The following RAD21 variants were observed in gnomAD, a reference collection of about 807,000 sequenced individuals.
RAD21 encodes the protein double-strand-break repair protein rad21 homolog.
In RAD21, 18 loss-of-function variants were observed where a neutral mutation model predicts 71.5. The ratio of observed to expected loss-of-function variants is 0.25; its 90% CI spans 0.17 to 0.37. The LOEUF (loss-of-function observed/expected upper bound fraction) is 0.37. Among genes scored for constraint, RAD21 ranks in the 10% least tolerant of loss-of-function variants. The pLI, the probability that RAD21 is intolerant of heterozygous loss-of-function variation, is 1.00. For missense variants in RAD21, 493 were observed against 769.1 expected, an observed-to-expected ratio of 0.64 and a Z score of 4.25; for synonymous variants, 248 against 254.0, an observed-to-expected ratio of 0.98 and a Z score of 0.22.
At chr8:116,860,282 T>C (rs1175724659) in intron 4 of RAD21, among the ~76,000 whole-genome samples, 1 of 152,186 alleles carries the variant, frequency 6.6e-6, no homozygotes, top group African/African-American at 2.4e-5. Flanking sequence ...ACAAAGGGTT[T>C]AGAATATTCC....
intron 2 of RAD21, among the ~76,000 whole-genome samples, chr8:116,864,031 A>G (rs545583066): frequency 6.6e-6 from 1 of 152,168 alleles, no homozygotes; most frequent in Non-Finnish European, 1.5e-5. Context: ...ACTAATTGAT[A>G]AAGAACAATA....
At chr8:116,855,432 A>G (rs2130464714) in intron 8 of RAD21, among the ~76,000 whole-genome samples, 1 of 152,324 alleles carries the variant, frequency 6.6e-6, no homozygotes, top group African/African-American at 2.4e-5. Context: ...GTGTCTTGCA[A>G]TGTTACTTAA....
intron 4 of RAD21, among the ~76,000 whole-genome samples, chr8:116,859,912 C>A (rs1243077240): frequency 6.6e-6 from 1 of 152,054 alleles, no homozygotes; most frequent in Non-Finnish European, 1.5e-5. Context: ...AGGAAAAGTT[C>A]TTGAAGGAAA....
chr8:116,857,349 C>G lies in RAD21; in HGVS notation c.606G>C (p.Leu202=). 6.2e-7 allele frequency: 1 copy of G among 1,612,548 alleles called. No individual in the cohort carries two copies. The change falls in exon 6 of 14, where the codon CTG becomes CTC. Residue 202 remains leucine (L), a synonymous_variant. Transcript: ENST00000297338. ...ATTCTAAATGGTTAATTTTCTCATT[C>G]AGATTGCTGGTGCTCTGTTCAGACT... ...LLESEQSTSN[L]NEKINHLEYE...
intron 1 of RAD21, 123 bp from the exon 2 acceptor site, chr8:116,866,884 T>C (rs1222547266): frequency 1.5e-5 from 8 of 541,922 alleles, no homozygotes; most frequent in Non-Finnish European, 2.0e-5. Flanking sequence ...CTTGAGTAAA[T>C]GTTTAATATG....
Position 116,856,258 on chromosome 8 carries a change from T to C in RAD21, c.845A>G (p.Asp282Gly). 2 of 1,544,954 alleles carry C rather than the reference T, an allele frequency of 1.3e-6. No individual in the cohort carries two copies. The highest frequency in any genetic ancestry group is 1.2e-5 in the South Asian group (1 of 85,176). The stretch of plus-strand genomic sequence containing the variant: ...CATGGTTGGCATTGGTTCAACGGGA[T>C]CCACTGAATCAGGACTATCAGGCCC... ...MGGPDSPDSV[D>G]PVEPMPTMTD... is the part of the protein sequence containing the mutation. The change falls in exon 8 of 14, where the codon GAT becomes GGT. Residue 282 changes from aspartate (D) to glycine (G), a missense_variant. Physicochemically the swap from Asp to Gly is moderately conservative, Grantham distance 94 (BLOSUM62 -1). This residue lies in a region of RAD21 where 165 missense variants were observed against 229.6 expected (regional missense o/e 0.72). Coordinates refer to ENST00000297338, the MANE Select transcript of RAD21 (RefSeq NM_006265.3).
In RAD21 at chr8:116,850,608, AT is replaced by A; in HGVS notation, c.1620+9del. 3 of 1,603,994 alleles carry A rather than the reference AT, an allele frequency of 1.9e-6. No individual in the cohort carries two copies. In the African/African-American group the frequency reaches 4.0e-5, roughly 22 times the overall value. On this transcript the variant is annotated intron_variant, in intron 12 of 13. Coordinates refer to ENST00000297338, the MANE Select transcript of RAD21 (RefSeq NM_006265.3). ...GCTAAATCTGGAATGAAAATTATTAATTAGTTTACCTCTTCCTCTTCATCAT... is the reference window on the plus strand; with the variant it reads ...GCTAAATCTGGAATGAAAATTATTAATAGTTTACCTCTTCCTCTTCATCAT...
At chr8:116,849,149 A>C in intron 12 of RAD21, 120 bp from the exon 13 acceptor site, 1 of 626,250 alleles carries the variant, frequency 1.6e-6, no homozygotes, top group South Asian at 3.5e-5. Flanking sequence ...CTAATAGAAA[A>C]CTGTACTTAA....
In RAD21 at chr8:116,856,141, T is replaced by C. The variant is rs148120733; in HGVS notation, c.937+25A>G. On this transcript the variant is annotated intron_variant, in intron 8 of 13. Coordinates refer to ENST00000297338, the MANE Select transcript of RAD21 (RefSeq NM_006265.3). Reference sequence around the variant, plus strand: ...ATAGGACCTTATGTTGTATGCTGTATAAATCTAAAGGTTCATATGCTTACC... The same window carrying C: ...ATAGGACCTTATGTTGTATGCTGTACAAATCTAAAGGTTCATATGCTTACC... The C allele has an allele frequency of 2.6e-4, 419 of 1,603,756 alleles. 3 individuals are homozygous for C. In the East Asian group the frequency reaches 7.3e-3, roughly 28 times the overall value.
chr8:116,862,010 T>G, intron 3 of RAD21, 70 bp from the exon 4 acceptor site: 2 of 1,186,594 alleles, frequency 1.7e-6, no homozygotes, highest in Non-Finnish European at 2.5e-6. Flanking sequence ...GGGAGATAAG[T>G]AGGTATAACT....
At chr8:116,861,820 T>C in intron 4 of RAD21, 21 bp downstream of exon 4, 1 of 1,574,024 alleles carries the variant, frequency 6.4e-7, no homozygotes, top group Non-Finnish European at 8.7e-7. Flanking sequence ...TCAACAATTT[T>C]TTTTAAAAGA....
intron 4 of RAD21, among the ~76,000 whole-genome samples, chr8:116,859,898 G>A (rs1204673472): frequency 6.6e-6 from 1 of 152,138 alleles, no homozygotes; most frequent in East Asian, 1.9e-4. Context: ...AGTTTTGAAT[G>A]CAAAGGAAAA....
At chr8:116,852,242 G>C in intron 10 of RAD21, 146 bp from the exon 11 acceptor site, 2 of 815,962 alleles carry the variant, frequency 2.5e-6, no homozygotes, top group Non-Finnish European at 3.6e-6. Context: ...GCTCCATAAA[G>C]ATTTACTCAA....
At position 116,861,837 on chromosome 8, in the gene RAD21, A is replaced by AT. The variant is rs1563692173; in HGVS notation, c.374+3dup. Reference sequence around the variant, plus strand: ...AACAATTTTTTTTAAAAGAAGACACATACTCTAAGTCAGGCAGTGGCTGAT... The same window carrying AT: ...AACAATTTTTTTTAAAAGAAGACACATTACTCTAAGTCAGGCAGTGGCTGAT... On this transcript the variant is annotated splice_donor_region_variant and intron_variant, in intron 4 of 13. Coordinates refer to ENST00000297338, the MANE Select transcript of RAD21 (RefSeq NM_006265.3). The AT allele has an allele frequency of 6.2e-7, 1 of 1,600,876 alleles. No homozygotes were observed. Among genetic ancestry groups the AT allele is most frequent in the Non-Finnish European group, 8.6e-7 (1 of 1,168,740 alleles).
At position 116,846,797 on chromosome 8, in the gene RAD21, C is replaced by T. The variant is rs1812260894; in HGVS notation, c.*703G>A. ...AGGCCTAGCTTTGCTCATTTTGGAG[C>T]CTCACTAAAATAACAGATTTCAGTA... On this transcript the variant is annotated 3_prime_UTR_variant, in exon 14 of 14. Transcript: ENST00000297338. The T allele has an allele frequency of 9.1e-6, 2 of 220,178 alleles. No individual in the cohort carries two copies. The highest frequency in any genetic ancestry group is 1.8e-5 in the Non-Finnish European group (2 of 109,884). The allele number at this position is 220,178 out of a possible 1,614,324, so 13.6% of individuals were successfully genotyped here.
chr8:116,859,157 C>G (rs1812532618), intron 4 of RAD21, among the ~76,000 whole-genome samples: 1 of 150,050 alleles, frequency 6.7e-6, no homozygotes, highest in African/African-American at 2.5e-5. Flanking sequence ...TGCTGACTGG[C>G]TATCATATAG....
intron 12 of RAD21, 65 bp from the exon 13 acceptor site, chr8:116,849,094 A>G (rs976233713): frequency 2.5e-6 from 3 of 1,208,410 alleles, no homozygotes; most frequent in Non-Finnish European, 3.4e-6. Flanking sequence ...GTATTTCTAC[A>G]TCTCCTAAAA....
chr8:116,850,304 G>A (rs922531900), intron 12 of RAD21, among the ~76,000 whole-genome samples: 13 of 152,232 alleles, frequency 8.5e-5, no homozygotes, highest in African/African-American at 3.1e-4. Flanking sequence ...AATAACAGCA[G>A]TAAGAATCGT....
At chr8:116,859,424 G>T (rs182607456) in intron 4 of RAD21, among the ~76,000 whole-genome samples, 94 of 152,038 alleles carry the variant, frequency 6.2e-4, no homozygotes, top group African/African-American at 2.2e-3. Flanking sequence ...GTAGACATGG[G>T]GGGGCGGGAT....
Sources: gnomAD v4.1 joint callset for allele counts (sites outside exome capture counted in the v4.1 genomes callset) on GRCh38, gnomAD v4.1.1 for gene constraint, gnomAD v4.1.1 regional missense constraint, MANE v1.5 for transcripts, NCBI Gene and HGNC (gene_info 2026-07-23, HGNC 2026-07-21) for gene names.